SAMMSON: variants seen among roughly 807,000 people sequenced by gnomAD.
The protein encoded by SAMMSON is survival associated mitochondrial melanoma specific oncogenic non-coding RNA, also known as long intergenic non-protein coding RNA 1212.
chr3:70,420,786 A>G (rs540405063), intron 2 of SAMMSON, among the ~76,000 whole-genome samples: 92 of 152,280 alleles, frequency 6.0e-4, no homozygotes, highest in Non-Finnish European at 9.1e-4. Flanking sequence ...CATTTCTCCC[A>G]ATGTATTTGA....
At position 70,334,866 on chromosome 3, in the gene SAMMSON, A is replaced by C. The variant is rs547137180; in HGVS notation, n.740-19309A>C. Among the ~76,000 whole-genome samples, 10 of 152,250 alleles carry C rather than the reference A, an allele frequency of 6.6e-5. No homozygotes were observed. The East Asian group carries it at 1.9e-3, about 29-fold the overall frequency. On this transcript the variant is annotated intron_variant and non_coding_transcript_variant, in intron 7 of 9. Coordinates refer to ENST00000642114, the Ensembl canonical transcript of SAMMSON. ...CCATGTTCCTCTAGGATTGACAATCAATGGACAAACAAAAGAAATACATAT... is the reference window on the plus strand; with the variant it reads ...CCATGTTCCTCTAGGATTGACAATCCATGGACAAACAAAAGAAATACATAT...
intron 4 of SAMMSON, among the ~76,000 whole-genome samples, chr3:70,149,167 T>C (rs2067561628): frequency 6.6e-6 from 1 of 152,116 alleles, no homozygotes; most frequent in South Asian, 2.1e-4. Flanking sequence ...TATTTATTTT[T>C]AAAATCTTTC....
intron 2 of SAMMSON, among the ~76,000 whole-genome samples, chr3:70,408,011 A>G (rs1055652394): frequency 1.3e-5 from 2 of 152,204 alleles, no homozygotes; most frequent in Admixed American, 1.3e-4. Flanking sequence ...CAGGCTCACC[A>G]CCACATGGAA....
intron 8 of SAMMSON, among the ~76,000 whole-genome samples, chr3:70,356,113 T>C (rs1413168719): frequency 6.6e-6 from 1 of 152,194 alleles, no homozygotes; most frequent in Non-Finnish European, 1.5e-5. Flanking sequence ...CGGTAATGAC[T>C]CAGTGACATT....
intron 7 of SAMMSON, among the ~76,000 whole-genome samples, chr3:70,303,102 T>C (rs2106703186): frequency 6.6e-6 from 1 of 152,316 alleles, no homozygotes; most frequent in Middle Eastern, 3.4e-3. Context: ...CCTGAAACAT[T>C]CAGTGCTTCA....
At chr3:70,401,619 A>AT (rs1471475448) in intron 2 of SAMMSON, among the ~76,000 whole-genome samples, 3 of 150,418 alleles carry the variant, frequency 2.0e-5, no homozygotes, top group Non-Finnish European at 4.4e-5. Flanking sequence ...TTTTCTGGAT[A>AT]TTTTTTCTAT....
intron 7 of SAMMSON, among the ~76,000 whole-genome samples, chr3:70,327,704 C>T (rs1702589462): frequency 6.6e-6 from 1 of 152,182 alleles, no homozygotes; most frequent in South Asian, 2.1e-4. Context: ...AAAAAGACTT[C>T]ACCACTGGGC....
chr3:70,255,226 A>G (rs1701804051), intron 6 of SAMMSON, among the ~76,000 whole-genome samples: 1 of 152,228 alleles, frequency 6.6e-6, no homozygotes, highest in South Asian at 2.1e-4. Context: ...AGTAAACTAT[A>G]AGATGAATAG....
At chr3:70,044,558 C>A (rs1195295915) in intron 3 of SAMMSON, among the ~76,000 whole-genome samples, 1 of 151,934 alleles carries the variant, frequency 6.6e-6, no homozygotes, top group South Asian at 2.1e-4. Context: ...ATTAAATCAA[C>A]TTTGTAGCAC....
chr3:70,205,797 A>T (rs1002408138), intron 4 of SAMMSON: 2 of 152,056 alleles, frequency 1.3e-5, no homozygotes, highest in Non-Finnish European at 2.9e-5. Context: ...ACCTTGTTAC[A>T]TTTTCCTTTG....
chr3:70,211,527 T>TTG (rs1462246289), intron 4 of SAMMSON, among the ~76,000 whole-genome samples: 1 of 28,144 alleles, frequency 3.6e-5, no homozygotes, highest in African/African-American at 9.6e-5. Context: ...TCCCTTCCCT[T>TTG]CCCTTTGCCC....
intron 7 of SAMMSON, among the ~76,000 whole-genome samples, chr3:70,295,055 C>A (rs1411918694): frequency 6.6e-6 from 1 of 152,134 alleles, no homozygotes; most frequent in Admixed American, 6.6e-5. Flanking sequence ...AATCAATGAT[C>A]TGTTGCCTAA....
rs1702946805 is a variant in SAMMSON at position 70,369,389 on chromosome 3, A to G, written n.913+11065A>G. ...AAATTCTGGAGCATGACAGGAAAAA[A>G]ATTTTTTAAATTCTCTCAAAATGCT... On this transcript the variant is annotated intron_variant and non_coding_transcript_variant, in intron 9 of 9. Coordinates refer to ENST00000642114, the Ensembl canonical transcript of SAMMSON. Among the ~76,000 whole-genome samples, 4 of 151,778 alleles carry G rather than the reference A, an allele frequency of 2.6e-5. No homozygotes were observed. The South Asian group carries it at 8.3e-4, about 31-fold the overall frequency.
chr3:70,116,728 G>T (rs889964850), intron 4 of SAMMSON, among the ~76,000 whole-genome samples: 7 of 152,018 alleles, frequency 4.6e-5, no homozygotes, highest in African/African-American at 1.7e-4. Context: ...GAAGAAAAGG[G>T]ATAGAAACAA....
intron 6 of SAMMSON, among the ~76,000 whole-genome samples, chr3:70,289,315 A>G (rs928899477): frequency 1.3e-5 from 2 of 151,556 alleles, no homozygotes; most frequent in Admixed American, 1.3e-4. Context: ...TCCTTTGCTT[A>G]TGAAGCTTAG....
At chr3:70,334,243 A>C (rs1479726775) in intron 7 of SAMMSON, among the ~76,000 whole-genome samples, 2 of 152,162 alleles carry the variant, frequency 1.3e-5, no homozygotes, top group Non-Finnish European at 2.9e-5. Flanking sequence ...ACAATAACCT[A>C]ATCATATTTG....
chr3:70,225,885 G>A (rs991756670), intron 4 of SAMMSON, among the ~76,000 whole-genome samples: 6 of 152,144 alleles, frequency 3.9e-5, no homozygotes, highest in African/African-American at 4.8e-5. Flanking sequence ...TGGCCTCTGA[G>A]GGCTTAAGAA....
intron 4 of SAMMSON, chr3:70,125,071 C>G: frequency 1.1e-6 from 1 of 875,922 alleles, no homozygotes; most frequent in Non-Finnish European, 1.9e-6. Flanking sequence ...ATTTTTAACA[C>G]TTTCTTTTTC....
At chr3:70,000,402 A>G (rs1159715828) in intron 1 of SAMMSON, among the ~76,000 whole-genome samples, 1 of 152,242 alleles carries the variant, frequency 6.6e-6, no homozygotes, top group Non-Finnish European at 1.5e-5. Context: ...ATTTTAACTT[A>G]TAGAACTATA....
Sources: allele counts gnomAD v4.1 joint callset (sites outside exome capture counted in the v4.1 genomes callset), GRCh38; gene constraint gnomAD v4.1.1; transcripts MANE v1.5; gene names NCBI Gene and HGNC (gene_info 2026-07-23, HGNC 2026-07-21).